The following WWOX variants were observed in gnomAD, a reference collection of about 807,000 sequenced individuals.
WWOX encodes the protein WW domain containing oxidoreductase.
A neutral mutation model predicts 46.2 loss-of-function variants in WWOX; 69 were observed. The ratio of observed to expected loss-of-function variants is 1.49; its 90% CI spans 1.23 to 1.82. The LOEUF (loss-of-function observed/expected upper bound fraction) is 1.82, where lower values mean the gene tolerates loss of function less well. WWOX is among the 40% of genes most tolerant of loss of function. WWOX has a pLI of 0.00. For missense variants in WWOX, 919 were observed against 542.6 expected, an observed-to-expected ratio of 1.69 and a Z score of -6.89; for synonymous variants, 359 against 202.6, an observed-to-expected ratio of 1.77 and a Z score of -6.56.
intron 8 of WWOX, among the ~76,000 whole-genome samples, chr16:78,920,067 C>T (rs1398629270): frequency 1.3e-5 from 2 of 152,140 alleles, no homozygotes; most frequent in Non-Finnish European, 2.9e-5. Context: ...CAAACGACCC[C>T]ACCATGCCAT....
rs756941346 is a variant in WWOX at position 79,002,102 on chromosome 16, A to T, written c.1057-209506A>T. Among the ~76,000 whole-genome samples the T allele has an allele frequency of 3.3e-4, 50 of 152,268 alleles. No homozygotes were observed. The Middle Eastern group carries it at 0.01, about 31-fold the overall frequency. ...GGGATGAAAACAGGGCAGGCAGTGA[A>T]ACCTGAATCTCAGCTGGACGATGAA... is the stretch of plus-strand genomic sequence containing the variant. On this transcript the variant is annotated intron_variant, in intron 8 of 8. Transcript: ENST00000566780.
At chr16:79,202,343 C>T (rs1410103298) in intron 8 of WWOX, among the ~76,000 whole-genome samples, 1 of 152,108 alleles carries the variant, frequency 6.6e-6, no homozygotes, top group African/African-American at 2.4e-5. Context: ...TGACGGGACC[C>T]TCAGTAGTGT....
intron 8 of WWOX, among the ~76,000 whole-genome samples, chr16:78,689,484 C>G (rs923817406): frequency 1.3e-5 from 2 of 152,236 alleles, no homozygotes; most frequent in African/African-American, 4.8e-5. Flanking sequence ...TCAACTAGAC[C>G]TTGACCTTGC....
intron 8 of WWOX, among the ~76,000 whole-genome samples, chr16:78,917,580 C>G (rs1218454634): frequency 2.0e-5 from 3 of 152,040 alleles, no homozygotes; most frequent in Admixed American, 6.6e-5. Flanking sequence ...CTGCCACAAT[C>G]AAACATATTT....
At position 78,523,832 on chromosome 16, in the gene WWOX, C is replaced by A. The variant is rs573188753; in HGVS notation, c.1056+91080C>A. ...ACACACTCCCTTTAGGAGGCCCAGG[C>A]TCTCAGGGGAGGCCCATAGTGCAGC... On this transcript the variant is annotated intron_variant, in intron 8 of 8. Coordinates refer to ENST00000566780, the MANE Select transcript of WWOX (RefSeq NM_016373.4). 1.1e-4 allele frequency among the ~76,000 whole-genome samples: 17 copies of A among 152,306 alleles called. No homozygotes were observed. In the South Asian group the frequency reaches 3.5e-3, roughly 32 times the overall value.
chr16:79,022,969 G>A (rs371032101), intron 8 of WWOX, among the ~76,000 whole-genome samples: 1 of 152,046 alleles, frequency 6.6e-6, no homozygotes, highest in African/African-American at 2.4e-5. Flanking sequence ...GTTTGGGGAG[G>A]ATTAAATAAG....
chr16:79,067,045 G>A (rs879313510), intron 8 of WWOX, among the ~76,000 whole-genome samples: 3 of 152,176 alleles, frequency 2.0e-5, no homozygotes, highest in South Asian at 4.1e-4. Flanking sequence ...CTGGAAGGGA[G>A]CATCCGCGAA....
intron 8 of WWOX, among the ~76,000 whole-genome samples, chr16:79,029,291 C>G (rs1473413656): frequency 1.3e-5 from 2 of 152,088 alleles, no homozygotes; most frequent in African/African-American, 4.8e-5. Context: ...TTCTTACATC[C>G]TCAGCTGCAG....
rs971744506 is a variant in WWOX at position 78,423,796 on chromosome 16, T to G, written c.606-1074T>G. Among the ~76,000 whole-genome samples the G allele has an allele frequency of 1.5e-3, 223 of 150,144 alleles. 1 individual carries two copies. Among genetic ancestry groups the G allele is most frequent in the African/African-American group, 5.3e-3 (215 of 40,718 alleles). Reference sequence around the variant, plus strand: ...GGGAGTTTGAGACTGCAGTGAGTTATGACCACACCACTGCACTCCAGCCTG... The same window carrying G: ...GGGAGTTTGAGACTGCAGTGAGTTAGGACCACACCACTGCACTCCAGCCTG... On this transcript the variant is annotated intron_variant, in intron 6 of 8. Transcript: ENST00000566780.
intron 4 of WWOX, 81 bp from the exon 5 acceptor site, chr16:78,164,101 TG>T: frequency 1.6e-6 from 2 of 1,273,890 alleles, no homozygotes; most frequent in Non-Finnish European, 2.2e-6. Context: ...GTAATTTAAG[TG>T]GTGCTCCGGT....
intron 8 of WWOX, among the ~76,000 whole-genome samples, chr16:78,448,833 A>T (rs989349050): frequency 1.3e-5 from 2 of 152,012 alleles, no homozygotes; most frequent in African/African-American, 4.8e-5. Context: ...GATCATTGTC[A>T]TGGTGATTGT....
intron 8 of WWOX, among the ~76,000 whole-genome samples, chr16:79,073,118 T>A (rs898439026): frequency 6.6e-6 from 1 of 150,966 alleles, no homozygotes; most frequent in Non-Finnish European, 1.5e-5. Flanking sequence ...AAAAGAGCTT[T>A]CTATCGCTTT....
chr16:78,885,185 C>G (rs1302524331), intron 8 of WWOX, among the ~76,000 whole-genome samples: 2 of 150,142 alleles, frequency 1.3e-5, no homozygotes, highest in Admixed American at 1.3e-4. Context: ...CTACCAATCA[C>G]TCTCTACTTT....
chr16:78,883,143 A>G (rs542105327), intron 8 of WWOX, among the ~76,000 whole-genome samples: 1 of 152,232 alleles, frequency 6.6e-6, no homozygotes, highest in East Asian at 1.9e-4. Context: ...GCCACCACAC[A>G]TGCCTAGGCA....
At chr16:78,564,776 T>G (rs953063604) in intron 8 of WWOX, among the ~76,000 whole-genome samples, 1 of 152,214 alleles carries the variant, frequency 6.6e-6, no homozygotes, top group African/African-American at 2.4e-5. Context: ...CTTATTTGTT[T>G]AAAAATTTTA....
intron 6 of WWOX, among the ~76,000 whole-genome samples, chr16:78,396,282 T>C (rs1300890529): frequency 6.6e-6 from 1 of 151,994 alleles, no homozygotes; most frequent in Non-Finnish European, 1.5e-5. Flanking sequence ...CAATTAGGGG[T>C]CACTTAGCAT....
intron 5 of WWOX, among the ~76,000 whole-genome samples, chr16:78,249,947 A>G (rs1382743616): frequency 6.6e-6 from 1 of 152,186 alleles, no homozygotes; most frequent in Non-Finnish European, 1.5e-5. Context: ...AAAGCCCTGC[A>G]GTAATCAGAG....
In WWOX at chr16:78,421,969, A is replaced by G. The variant is rs1467580298; in HGVS notation, c.606-2901A>G. ...GGGTGCAGGAATATATATTCCCACC[A>G]ACTTTATACAAGATAATACAAATAT... On this transcript the variant is annotated intron_variant, in intron 6 of 8. Coordinates refer to ENST00000566780, the MANE Select transcript of WWOX (RefSeq NM_016373.4). 2.0e-5 allele frequency among the ~76,000 whole-genome samples: 3 copies of G among 152,208 alleles called. No homozygotes were observed. In the East Asian group the frequency reaches 5.8e-4, roughly 29 times the overall value.
chr16:79,108,130 C>T (rs576732194), intron 8 of WWOX, among the ~76,000 whole-genome samples: 1 of 152,130 alleles, frequency 6.6e-6, no homozygotes, highest in African/African-American at 2.4e-5. Flanking sequence ...GGGGGGAAAC[C>T]TAAATTCATA....
Sources: allele counts gnomAD v4.1 joint callset (sites outside exome capture counted in the v4.1 genomes callset), GRCh38; gene constraint gnomAD v4.1.1; transcripts MANE v1.5; gene names NCBI Gene and HGNC (gene_info 2026-07-23, HGNC 2026-07-21).